The following AXDND1 variants were observed in gnomAD, a reference collection of about 807,000 sequenced individuals.
AXDND1 encodes the protein axonemal dynein light chain domain containing 1, also known as axonemal dynein light chain domain-containing protein 1.
AXDND1 carries 110 observed loss-of-function variants against 137.5 expected under a neutral mutation model. That is an observed-to-expected ratio of 0.80 (90% CI 0.69 to 0.94). The LOEUF (loss-of-function observed/expected upper bound fraction) is 0.94, where lower values mean the gene tolerates loss of function less well. AXDND1 is among the 40% of genes least tolerant of loss of function. The pLI is 0.00. For synonymous variants in AXDND1, 414 were observed against 399.7 expected (o/e 1.04, Z -0.43); for missense variants, 1,191 against 1,169.8 (o/e 1.02, Z -0.26).
intron 25 of AXDND1, among the ~76,000 whole-genome samples, chr1:179,541,371 G>A (rs1672122116): frequency 6.6e-6 from 1 of 152,272 alleles, no homozygotes; most frequent in African/African-American, 2.4e-5. Context: ...GATGAAGCAG[G>A]TACCTCAGTT....
chr1:179,464,072 A>T (rs1475172347), intron 16 of AXDND1, among the ~76,000 whole-genome samples: 1 of 151,926 alleles, frequency 6.6e-6, no homozygotes, highest in Admixed American at 6.6e-5. Context: ...TCTTTATCCA[A>T]TTTGCCAGTC....
intron 18 of AXDND1, among the ~76,000 whole-genome samples, chr1:179,491,146 A>G (rs1666850377): frequency 6.6e-6 from 1 of 152,170 alleles, no homozygotes; most frequent in Non-Finnish European, 1.5e-5. Context: ...CAACATGGTG[A>G]AAGCCCATTT....
intron 20 of AXDND1, among the ~76,000 whole-genome samples, chr1:179,507,150 A>G (rs1175656384): frequency 1.3e-5 from 2 of 152,220 alleles, no homozygotes; most frequent in Non-Finnish European, 2.9e-5. Context: ...ACTTCACACC[A>G]GAAGTCTTTA....
At chr1:179,412,855 TTCTCAG>T (rs1416828568) in intron 12 of AXDND1, among the ~76,000 whole-genome samples, 1 of 152,206 alleles carries the variant, frequency 6.6e-6, no homozygotes, top group Admixed American at 6.5e-5. Context: ...AGTATTCCTG[TTCTCAG>T]TCTTATGGGG....
chr1:179,424,141 G>A (rs950659630), intron 12 of AXDND1, among the ~76,000 whole-genome samples: 2 of 76,016 alleles, frequency 2.6e-5, no homozygotes, highest in Non-Finnish European at 6.3e-5. Context: ...GGTTTTGTTC[G>A]TTTGTTTGTT....
At chr1:179,506,772 C>A in intron 20 of AXDND1, 1 of 760,542 alleles carries the variant, frequency 1.3e-6, no homozygotes, top group Non-Finnish European at 1.6e-6. Flanking sequence ...TTGGTCTCAT[C>A]TCTGCCCTGT....
chr1:179,545,091 T>A (rs1408305564), intron 25 of AXDND1: 1 of 152,262 alleles, frequency 6.6e-6, no homozygotes. Context: ...AGAGATGGAC[T>A]AACCTGCAAA....
At chr1:179,415,104 G>A (rs1654496780) in intron 12 of AXDND1, among the ~76,000 whole-genome samples, 1 of 152,218 alleles carries the variant, frequency 6.6e-6, no homozygotes, top group African/African-American at 2.4e-5. Flanking sequence ...CACTTTGGGA[G>A]GCCAAGGCAA....
At chr1:179,442,917 C>T (rs896451294) in intron 15 of AXDND1, among the ~76,000 whole-genome samples, 6 of 152,140 alleles carry the variant, frequency 3.9e-5, no homozygotes, top group Non-Finnish European at 7.3e-5. Context: ...TCAGGGGGCA[C>T]CTTGCCTCTG....
chr1:179,468,551 A>T lies in AXDND1; in HGVS notation c.1907A>T (p.Asp636Val). The change falls in exon 17 of 26, where the codon GAT (aspartate) becomes GTT (valine). Residue 636 changes from aspartate to valine, a missense_variant. Physicochemically the swap from Asp to Val is radical, Grantham distance 152. Transcript: ENST00000367618. Reference protein sequence around the residue: ...DTPLEEWQEIDEKINEMKSHL... With the variant: ...DTPLEEWQEIVEKINEMKSHL... ...CCTCTTGAAGAATGGCAGGAAATAG[A>T]TGAAAAAATTAATGAAATGAAATCA... The T allele has an allele frequency of 1.2e-6, 2 of 1,612,898 alleles. No homozygotes were observed.
At position 179,491,675 on chromosome 1, in the gene AXDND1, A is replaced by G. The variant is rs1666912872; in HGVS notation, c.2229A>G (p.Arg743=). The G allele has an allele frequency of 4.3e-6, 7 of 1,611,668 alleles. No homozygotes were observed. The highest frequency in any genetic ancestry group is 5.9e-6 in the Non-Finnish European group (7 of 1,179,256). ...SAEKHDIGVA[R]LELDAIELTR... is the part of the protein sequence containing the mutation. ...AGAAACATGATATAGGAGTTGCGCGATTGGAGCTAGATGCGATTGAACTGA... is the reference window on the plus strand; with the variant it reads ...AGAAACATGATATAGGAGTTGCGCGGTTGGAGCTAGATGCGATTGAACTGA... The change falls in exon 19 of 26, where the codon CGA becomes CGG. Residue 743 remains arginine, a synonymous_variant. Coordinates refer to ENST00000367618, the MANE Select transcript of AXDND1 (RefSeq NM_144696.6).
intron 23 of AXDND1, among the ~76,000 whole-genome samples, chr1:179,532,731 A>G (rs201247960): frequency 1.4e-4 from 21 of 152,068 alleles, no homozygotes; most frequent in East Asian, 9.7e-4. Flanking sequence ...TAAAAAAATT[A>G]AAAACTGGCT....
intron 16 of AXDND1, among the ~76,000 whole-genome samples, chr1:179,458,697 G>A (rs558084471): frequency 6.9e-4 from 105 of 151,782 alleles, no homozygotes; most frequent in Non-Finnish European, 1.1e-3. Context: ...TTAAAATACA[G>A]CATATTCTCA....
At chr1:179,427,855 C>G (rs961015674) in intron 12 of AXDND1, among the ~76,000 whole-genome samples, 3 of 151,658 alleles carry the variant, frequency 2.0e-5, no homozygotes, top group Non-Finnish European at 4.4e-5. Flanking sequence ...AGAGCCTGAA[C>G]TCCCAGTTTC....
At chr1:179,391,051 C>A (rs1650090247) in intron 9 of AXDND1, among the ~76,000 whole-genome samples, 1 of 151,522 alleles carries the variant, frequency 6.6e-6, no homozygotes, top group Admixed American at 6.6e-5. Flanking sequence ...GGTGATCCAC[C>A]CACCTCGGGC....
intron 12 of AXDND1, among the ~76,000 whole-genome samples, chr1:179,422,660 G>T (rs143185706): frequency 6.6e-6 from 1 of 152,208 alleles, no homozygotes; most frequent in Non-Finnish European, 1.5e-5. Flanking sequence ...ATTAGGTCCA[G>T]TGTGTAGTTT....
chr1:179,413,196 A>G (rs545981576), intron 12 of AXDND1, among the ~76,000 whole-genome samples: 2 of 152,082 alleles, frequency 1.3e-5, no homozygotes, highest in East Asian at 1.9e-4. Flanking sequence ...ATGACAATCA[A>G]GGTAATAAAC....
chr1:179,520,166 T>C (rs1217239907), intron 21 of AXDND1, among the ~76,000 whole-genome samples: 1 of 152,176 alleles, frequency 6.6e-6, no homozygotes, highest in Non-Finnish European at 1.5e-5. Flanking sequence ...GGAGTTCATT[T>C]GTGATTTGGC....
intron 25 of AXDND1, among the ~76,000 whole-genome samples, chr1:179,535,304 A>G (rs1200244988): frequency 6.6e-6 from 1 of 151,920 alleles, no homozygotes; most frequent in Non-Finnish European, 1.5e-5. Flanking sequence ...TACATGTGCC[A>G]TGTTGGTGTG....
Sources: allele counts gnomAD v4.1 joint callset (sites outside exome capture counted in the v4.1 genomes callset), GRCh38; gene constraint gnomAD v4.1.1; transcripts MANE v1.5; gene names NCBI Gene and HGNC (gene_info 2026-07-23, HGNC 2026-07-21).